NDST4: variants seen among roughly 807,000 people sequenced by gnomAD.
The protein encoded by NDST4 is N-heparan sulfate sulfotransferase 4.
In NDST4, 63 loss-of-function variants were observed where a neutral mutation model predicts 100.8. That is an observed-to-expected ratio of 0.62 (90% CI 0.51 to 0.77). The LOEUF (loss-of-function observed/expected upper bound fraction) is 0.77. NDST4 is among the 30% of genes least tolerant of loss of function. NDST4 has a pLI of 0.00. For synonymous variants in NDST4, 377 were observed against 361.8 expected (o/e 1.04, Z -0.48); for missense variants, 943 against 1,018.4 (o/e 0.93, Z 1.01).
At chr4:114,953,188 G>A (rs900044340) in intron 4 of NDST4, among the ~76,000 whole-genome samples, 3 of 151,612 alleles carry the variant, frequency 2.0e-5, no homozygotes, top group Non-Finnish European at 2.9e-5. Context: ...TCTAGGGCTC[G>A]GTTTTCTCAT....
At chr4:114,941,949 T>C (rs1405537060) in intron 4 of NDST4, among the ~76,000 whole-genome samples, 1 of 152,232 alleles carries the variant, frequency 6.6e-6, no homozygotes, top group African/African-American at 2.4e-5. Flanking sequence ...TAAGAACTTC[T>C]GTTGAGACGT....
chr4:114,937,175 C>A (rs1020219), intron 5 of NDST4, 143 bp downstream of exon 5: 93,577 of 857,792 alleles, frequency 0.11, 7,389 homozygotes, highest in African/African-American at 0.34. Flanking sequence ...AATGCATAAC[C>A]AGTCACCATT....
intron 4 of NDST4, among the ~76,000 whole-genome samples, chr4:114,943,011 ATATAT>A (rs1725782919): frequency 2.7e-5 from 4 of 147,516 alleles, no homozygotes; most frequent in South Asian, 2.1e-4. Context: ...TAATATTTAC[ATATAT>A]TATATAATAT....
intron 11 of NDST4, among the ~76,000 whole-genome samples, chr4:114,837,787 A>G (rs1723334900): frequency 1.3e-5 from 2 of 152,228 alleles, no homozygotes; most frequent in African/African-American, 2.4e-5. Flanking sequence ...TATGACTAAA[A>G]CACACAAAGC....
In NDST4 at chr4:114,935,987, C is replaced by T. The variant is rs1455225918; in HGVS notation, c.1408-653G>A. 2.7e-5 allele frequency among the ~76,000 whole-genome samples: 4 copies of T among 150,612 alleles called. No individual in the cohort carries two copies. The East Asian group carries it at 7.7e-4, about 29-fold the overall frequency. Reference sequence around the variant, plus strand: ...ATGGACAAATGCATCTAATTGCCTACAGTTTTTTTTTTCAAAATTATTTGC... The same window carrying T: ...ATGGACAAATGCATCTAATTGCCTATAGTTTTTTTTTTCAAAATTATTTGC... On this transcript the variant is annotated intron_variant, in intron 5 of 13. Transcript: ENST00000264363.
At chr4:114,970,708 T>A (rs1043145666) in intron 3 of NDST4, 124 bp from the exon 4 acceptor site, 28 of 807,310 alleles carry the variant, frequency 3.5e-5, no homozygotes, top group African/African-American at 1.2e-4. Context: ...GTGGGCTTTT[T>A]AAATCAGAAT....
chr4:114,878,919 A>G (rs1250184167), intron 6 of NDST4, among the ~76,000 whole-genome samples: 4 of 152,106 alleles, frequency 2.6e-5, no homozygotes, highest in African/African-American at 7.2e-5. Context: ...CTATGATAAT[A>G]TAATTTCTGG....
chr4:114,889,340 A>G (rs1315564449), intron 6 of NDST4, among the ~76,000 whole-genome samples: 2 of 152,202 alleles, frequency 1.3e-5, no homozygotes, highest in Admixed American at 1.3e-4. Context: ...ATGAATATAC[A>G]AATTATATAA....
chr4:114,967,807 TA>T (rs1402158528), intron 4 of NDST4, among the ~76,000 whole-genome samples: 1 of 152,114 alleles, frequency 6.6e-6, no homozygotes, highest in Non-Finnish European at 1.5e-5. Context: ...TTAGGTGTTT[TA>T]AAAGCAAGAT....
intron 3 of NDST4, among the ~76,000 whole-genome samples, chr4:114,971,561 C>T (rs1464453369): frequency 1.3e-5 from 2 of 152,092 alleles, no homozygotes; most frequent in Non-Finnish European, 2.9e-5. Context: ...TTCCTGCTTG[C>T]TCTCTTACTA....
intron 2 of NDST4, among the ~76,000 whole-genome samples, chr4:115,038,426 T>G (rs1456458595): frequency 6.6e-6 from 1 of 152,062 alleles, no homozygotes; most frequent in East Asian, 1.9e-4. Context: ...GTAGGAAGAC[T>G]AAATCCCTCT....
chr4:114,890,030 C>CT (rs1000344663), intron 6 of NDST4, among the ~76,000 whole-genome samples: 3 of 152,092 alleles, frequency 2.0e-5, no homozygotes, highest in African/African-American at 7.2e-5. Flanking sequence ...AACCCCAATG[C>CT]TTTATATCAC....
chr4:114,877,523 C>A (rs2126199518), intron 6 of NDST4, among the ~76,000 whole-genome samples: 1 of 152,216 alleles, frequency 6.6e-6, no homozygotes, highest in African/African-American at 2.4e-5. Flanking sequence ...CACAATGGAA[C>A]ACAATAATAG....
intron 2 of NDST4, among the ~76,000 whole-genome samples, chr4:115,055,557 A>G (rs1198741702): frequency 6.6e-6 from 1 of 152,200 alleles, no homozygotes; most frequent in Non-Finnish European, 1.5e-5. Context: ...AAGTGAAAGC[A>G]ACTTTAACCT....
At chr4:115,045,418 TAAGTAAA>T (rs1728444121) in intron 2 of NDST4, among the ~76,000 whole-genome samples, 1 of 152,170 alleles carries the variant, frequency 6.6e-6, no homozygotes, top group Admixed American at 6.6e-5. Context: ...TAGACTGATA[TAAGTAAA>T]TGTAGAGCTC....
At chr4:114,978,085 C>G (rs546781056) in intron 2 of NDST4, among the ~76,000 whole-genome samples, 15 of 151,884 alleles carry the variant, frequency 9.9e-5, no homozygotes, top group African/African-American at 3.6e-4. Context: ...TATCCTTGGG[C>G]TTTTTAGTTT....
chr4:114,906,982 T>A (rs571708096), intron 6 of NDST4, among the ~76,000 whole-genome samples: 1 of 152,204 alleles, frequency 6.6e-6, no homozygotes, highest in Admixed American at 6.5e-5. Flanking sequence ...CAAAACTGTA[T>A]CTTAATTTGA....
At chr4:115,085,472 C>T (rs1383552917) in intron 1 of NDST4, among the ~76,000 whole-genome samples, 2 of 152,008 alleles carry the variant, frequency 1.3e-5, no homozygotes, top group East Asian at 1.9e-4. Flanking sequence ...GTGTTCCCAC[C>T]CAAATCTCAT....
intron 7 of NDST4, among the ~76,000 whole-genome samples, chr4:114,854,331 T>C (rs1723744170): frequency 6.6e-6 from 1 of 152,256 alleles, no homozygotes; most frequent in Non-Finnish European, 1.5e-5. Context: ...GGCTGAATAG[T>C]ACTTCATTGT....
Sources: gnomAD v4.1 joint callset for allele counts (sites outside exome capture counted in the v4.1 genomes callset) on GRCh38, gnomAD v4.1.1 for gene constraint, MANE v1.5 for transcripts, NCBI Gene and HGNC (gene_info 2026-07-23, HGNC 2026-07-21) for gene names.